Variants in EEPD1 observed in about 807,000 individuals in gnomAD.
EEPD1 encodes the protein endonuclease/exonuclease/phosphatase family domain-containing protein 1.
EEPD1 carries 17 observed loss-of-function variants against 46.3 expected under a neutral mutation model. The observed-to-expected ratio is 0.37, with a 90% confidence interval of 0.25 to 0.55. The LOEUF is 0.55. Ranked by LOEUF, EEPD1 falls within the 20% of genes least tolerant of loss-of-function variation. EEPD1 has a pLI of 0.83. For missense variants in EEPD1, 673 were observed against 745.6 expected, an observed-to-expected ratio of 0.90 and a Z score of 1.13; for synonymous variants, 313 against 315.6, an observed-to-expected ratio of 0.99 and a Z score of 0.09.
chr7:36,271,891 A>C (rs1787111379), intron 3 of EEPD1, among the ~76,000 whole-genome samples: 1 of 93,872 alleles, frequency 1.1e-5, no homozygotes, highest in South Asian at 3.2e-4. Flanking sequence ...ATTGTATTCT[A>C]TTCTATTCGA....
intron 3 of EEPD1, among the ~76,000 whole-genome samples, chr7:36,270,519 A>T (rs981004076): frequency 6.6e-6 from 1 of 152,002 alleles, no homozygotes. Flanking sequence ...ATGTGTTCTC[A>T]TTGTTCAACT....
chr7:36,267,054 T>G (rs1037852179), intron 3 of EEPD1, among the ~76,000 whole-genome samples: 7 of 152,236 alleles, frequency 4.6e-5, no homozygotes, highest in African/African-American at 1.7e-4. Context: ...AGTATTTGTC[T>G]GAATACCATT....
At chr7:36,298,767 T>C (rs1562717110) in intron 7 of EEPD1, among the ~76,000 whole-genome samples, 1 of 152,246 alleles carries the variant, frequency 6.6e-6, no homozygotes, top group Non-Finnish European at 1.5e-5. Flanking sequence ...ACAGGAGGCC[T>C]GGCCTCTGGG....
rs61730413 is a variant in EEPD1 at position 36,299,122 on chromosome 7, G to A, written c.1626G>A (p.Lys542=). ...CPVLAEFYTE[K]DWSKKDAPRN... ...TGCTAGCCGAGTTCTACACTGAAAAGGACTGGAGCAAGAAGGATGCCCCTC... is the reference window on the plus strand; with the variant it reads ...TGCTAGCCGAGTTCTACACTGAAAAAGACTGGAGCAAGAAGGATGCCCCTC... Residue 542 remains lysine, a synonymous_variant, in exon 8 of 8, where the codon AAG becomes AAA. Coordinates refer to ENST00000242108, the MANE Select transcript of EEPD1 (RefSeq NM_030636.3). 1.4e-4 allele frequency: 230 copies of A among 1,611,528 alleles called. No individual in the cohort carries two copies. The African/African-American group carries it at 2.9e-3, about 20-fold the overall frequency.
intron 3 of EEPD1, among the ~76,000 whole-genome samples, chr7:36,267,455 A>G (rs1787040759): frequency 6.6e-6 from 1 of 151,962 alleles, no homozygotes; most frequent in South Asian, 2.1e-4. Context: ...CCCTTTGCAC[A>G]TGCTGTCTGT....
chr7:36,162,742 C>G (rs57617595), intron 2 of EEPD1, among the ~76,000 whole-genome samples: 101 of 152,296 alleles, frequency 6.6e-4, no homozygotes, highest in African/African-American at 2.4e-3. Flanking sequence ...CCAACGAGCC[C>G]TTGTTTCCTG....
rs1166903115 is a variant in EEPD1 at position 36,249,168 on chromosome 7, A to T, written c.930+10132A>T. Among the ~76,000 whole-genome samples, 3 of 152,156 alleles carry T rather than the reference A, an allele frequency of 2.0e-5. No individual in the cohort carries two copies. The East Asian group carries it at 5.8e-4, about 29-fold the overall frequency. ...CAGAGTCCCCAAACAGGACTTTTAA[A>T]CTGTCTTTCGTTCCCTCAGCTATCA... On this transcript the variant is annotated intron_variant, in intron 3 of 7. Coordinates refer to ENST00000242108, the MANE Select transcript of EEPD1 (RefSeq NM_030636.3).
intron 4 of EEPD1, among the ~76,000 whole-genome samples, chr7:36,282,339 T>C (rs953231748): frequency 3.3e-5 from 5 of 152,246 alleles, no homozygotes; most frequent in Admixed American, 6.5e-5. Flanking sequence ...GAAAGGTGGC[T>C]ATGTACCAGG....
chr7:36,247,982 A>AG (rs909858476), intron 3 of EEPD1, among the ~76,000 whole-genome samples: 16 of 152,236 alleles, frequency 1.1e-4, no homozygotes, highest in African/African-American at 3.4e-4. Flanking sequence ...ACGCAGAAGG[A>AG]GGTTCTGGGT....
intron 3 of EEPD1, among the ~76,000 whole-genome samples, chr7:36,280,667 T>C (rs1054936466): frequency 6.6e-6 from 1 of 152,192 alleles, no homozygotes; most frequent in African/African-American, 2.4e-5. Flanking sequence ...AAGTTGAAGC[T>C]GGAGGTCATT....
chr7:36,199,249 T>C (rs915318927), intron 2 of EEPD1, among the ~76,000 whole-genome samples: 4 of 152,052 alleles, frequency 2.6e-5, no homozygotes, highest in African/African-American at 9.7e-5. Context: ...AGTTTCTCCT[T>C]TGGGTATCAG....
At chr7:36,209,425 G>T (rs1003733723) in intron 2 of EEPD1, among the ~76,000 whole-genome samples, 3 of 152,210 alleles carry the variant, frequency 2.0e-5, no homozygotes, top group Admixed American at 2.0e-4. Flanking sequence ...GAGGATTGTA[G>T]AGCCAAGCCT....
chr7:36,217,641 AC>A (rs1418838292), intron 2 of EEPD1, among the ~76,000 whole-genome samples: 1 of 152,208 alleles, frequency 6.6e-6, no homozygotes, highest in Non-Finnish European at 1.5e-5. Context: ...GCCTCTGATA[AC>A]TTTTAAAACA....
At chr7:36,182,923 G>A (rs2540666) in intron 2 of EEPD1, among the ~76,000 whole-genome samples, 132,949 of 152,234 alleles carry the variant, frequency 0.87, 59,225 homozygotes, top group Non-Finnish European at 0.96. Context: ...GTTAGGACCC[G>A]GTGGTCATCT....
intron 2 of EEPD1, among the ~76,000 whole-genome samples, chr7:36,178,711 G>A (rs921687775): frequency 6.6e-6 from 1 of 152,182 alleles, no homozygotes; most frequent in Non-Finnish European, 1.5e-5. Context: ...GCACCATCAT[G>A]AGTCCCATGA....
At chr7:36,261,496 A>G (rs1183217834) in intron 3 of EEPD1, among the ~76,000 whole-genome samples, 1 of 152,198 alleles carries the variant, frequency 6.6e-6, no homozygotes, top group African/African-American at 2.4e-5. Flanking sequence ...AGCCATGACG[A>G]CAGGAGTTAC....
chr7:36,154,777 A>T lies in EEPD1; in HGVS notation c.453A>T (p.Arg151=), dbSNP rs1377979781. Residue 151 remains arginine (R), a synonymous_variant, in exon 2 of 8, where the codon CGA becomes CGT. Coordinates refer to ENST00000242108, the MANE Select transcript of EEPD1 (RefSeq NM_030636.3). This position sits in a 1 kb window ranked among gnomAD's most constrained non-coding sequence, Gnocchi z 4.2. ...TATPAQLMSV[R]GLSEKMALSI... Reference sequence around the variant, plus strand: ...CCCCGGCCCAGCTCATGAGCGTGCGAGGCCTCTCGGAGAAAATGGCCCTCA... The same window carrying T: ...CCCCGGCCCAGCTCATGAGCGTGCGTGGCCTCTCGGAGAAAATGGCCCTCA... 1.9e-6 allele frequency: 3 copies of T among 1,614,012 alleles called. No homozygotes were observed. In the African/African-American group the frequency reaches 4.0e-5, roughly 22 times the overall value.
intron 4 of EEPD1, 29 bp from the exon 5 acceptor site, chr7:36,284,657 C>T (rs748343830): frequency 2.5e-6 from 4 of 1,603,996 alleles, no homozygotes; most frequent in Admixed American, 3.4e-5. Flanking sequence ...GGCTCTGGCA[C>T]CAAGACTCTG....
chr7:36,216,626 C>T (rs1786033791), intron 2 of EEPD1, among the ~76,000 whole-genome samples: 1 of 152,072 alleles, frequency 6.6e-6, no homozygotes, highest in African/African-American at 2.4e-5. Context: ...AGTTTTTCAC[C>T]AAAGCGAAAA....
Sources: allele counts gnomAD v4.1 joint callset (sites outside exome capture counted in the v4.1 genomes callset), GRCh38; gene constraint gnomAD v4.1.1; non-coding constraint Gnocchi (gnomAD v3.1); transcripts MANE v1.5; gene names NCBI Gene and HGNC (gene_info 2026-07-23, HGNC 2026-07-21).